Variants in PDIA6 observed in about 807,000 individuals in gnomAD.
The protein encoded by PDIA6 is protein disulfide isomerase family A member 6, also known as protein disulfide-isomerase A6.
A neutral mutation model predicts 58.4 loss-of-function variants in PDIA6; 29 were observed. That is an observed-to-expected ratio of 0.50 (90% CI 0.37 to 0.68). The LOEUF is 0.68. Among genes scored for constraint, PDIA6 ranks in the 30% least tolerant of loss-of-function variants. The probability of loss-of-function intolerance (pLI) is 0.00; values close to 1 mark genes in which losing one functional copy is unlikely to be tolerated. For synonymous variants in PDIA6, 192 were observed against 202.6 expected, an observed-to-expected ratio of 0.95 and a Z score of 0.44; for missense variants, 480 against 551.0, an observed-to-expected ratio of 0.87 and a Z score of 1.29.
intron 1 of PDIA6, chr2:10,820,798 C>T: frequency 1.4e-6 from 1 of 703,022 alleles, no homozygotes; most frequent in Non-Finnish European, 2.6e-6. Flanking sequence ...CTGATGTTGG[C>T]TGGGACCTCA....
At chr2:10,789,975 A>C in intron 7 of PDIA6, 86 bp from the exon 8 acceptor site, 7 of 1,205,640 alleles carry the variant, frequency 5.8e-6, no homozygotes, top group Non-Finnish European at 8.0e-6. Flanking sequence ...ACCACCTTAT[A>C]GGTAATTTTT....
rs749847940 is a variant in PDIA6 at position 10,812,707 on chromosome 2, G to A, written c.-11C>T. ...CACCAGGAGAGCCATGCCGAGCGCC[G>A]GGCTACGTGCAGTCCCCACCGCCGC... On this transcript the variant is annotated 5_prime_UTR_variant, in exon 1 of 13. Coordinates refer to ENST00000272227, the MANE Select transcript of PDIA6 (RefSeq NM_005742.4). 2.0e-6 allele frequency: 3 copies of A among 1,524,686 alleles called. No homozygotes were observed. The highest frequency in any genetic ancestry group is 2.9e-5 in the African/African-American group (2 of 69,702). The allele number at this position is 1,524,686 out of a possible 1,614,324, so 94.4% of individuals were successfully genotyped here.
intron 1 of PDIA6, chr2:10,810,442 A>G (rs1011318675): frequency 2.2e-6 from 3 of 1,376,182 alleles, no homozygotes; most frequent in Non-Finnish European, 2.8e-6. Context: ...AGAACAGACC[A>G]GGGTTTTTCA....
At chr2:10,796,038 T>C (rs1396775095) in intron 4 of PDIA6, among the ~76,000 whole-genome samples, 2 of 150,452 alleles carry the variant, frequency 1.3e-5, no homozygotes, top group South Asian at 2.1e-4. Flanking sequence ...TTATCTTAAA[T>C]AGAATAATCT....
upstream of PDIA6, among the ~76,000 whole-genome samples, chr2:10,816,305 G>T (rs562215677): frequency 6.6e-6 from 1 of 151,132 alleles, no homozygotes; most frequent in African/African-American, 2.4e-5. Flanking sequence ...GGCTGGTCTC[G>T]AACTCCCAGC....
chr2:10,801,242 C>T (rs1666499654), intron 2 of PDIA6, among the ~76,000 whole-genome samples: 1 of 152,160 alleles, frequency 6.6e-6, no homozygotes, highest in South Asian at 2.1e-4. Flanking sequence ...CATGCTGCTG[C>T]ACTCTAGCCT....
upstream of PDIA6, among the ~76,000 whole-genome samples, chr2:10,836,745 C>T (rs2148587267): frequency 6.6e-6 from 1 of 152,156 alleles, no homozygotes; most frequent in South Asian, 2.1e-4. Context: ...TCTACTTAAC[C>T]TTTTCTTTAT....
intron 1 of PDIA6, chr2:10,810,257 TTAGA>T (rs1666948255): frequency 2.0e-6 from 3 of 1,509,928 alleles, no homozygotes; most frequent in Non-Finnish European, 2.7e-6. Flanking sequence ...GATCATATAA[TTAGA>T]TAGACCCAAA....
chr2:10,833,393 AC>A (rs1166666495), upstream of PDIA6, among the ~76,000 whole-genome samples: 2 of 152,018 alleles, frequency 1.3e-5, no homozygotes, highest in East Asian at 3.9e-4. Flanking sequence ...TCAGGCCCCC[AC>A]TTTGCTGCTG....
chr2:10,816,526 C>CTTT (rs201746817), upstream of PDIA6, among the ~76,000 whole-genome samples: 2 of 135,128 alleles, frequency 1.5e-5, no homozygotes, highest in Admixed American at 7.5e-5. Context: ...TTTGTGCTTT[C>CTTT]TTTTTTTTTT....
At chr2:10,828,152 G>A (rs934880004) in intron 1 of PDIA6, among the ~76,000 whole-genome samples, 3 of 152,078 alleles carry the variant, frequency 2.0e-5, no homozygotes, top group Non-Finnish European at 4.4e-5. Context: ...TTCACACTTG[G>A]TGTTGTGCAT....
At chr2:10,820,522 G>A (rs1274020042) in intron 1 of PDIA6, among the ~76,000 whole-genome samples, 3 of 152,174 alleles carry the variant, frequency 2.0e-5, no homozygotes, top group Admixed American at 6.5e-5. Context: ...AGATGTCATC[G>A]TTGGCATTCC....
In PDIA6 at chr2:10,787,325, CA is replaced by C. The variant is rs1665813376; in HGVS notation, c.1112del (p.Leu371ArgfsTer2). 6 of 1,614,066 alleles carry C rather than the reference CA, an allele frequency of 3.7e-6. No homozygotes were observed. Among genetic ancestry groups the C allele is most frequent in the Non-Finnish European group, 5.1e-6 (6 of 1,180,048 alleles). On this transcript the variant is annotated frameshift_variant, in exon 11 of 13. Coordinates refer to ENST00000272227, the MANE Select transcript of PDIA6 (RefSeq NM_005742.4). LOFTEE classifies it high-confidence loss of function. ...AINARKMKFA[L>X]LKGSFSEQGI... Reference sequence around the variant, plus strand: ...CTTGCTCACTGAAGGAGCCTTTTAGCAGAGCAAATTTCATCTTGCGTGCATT... The same window carrying C: ...CTTGCTCACTGAAGGAGCCTTTTAGCGAGCAAATTTCATCTTGCGTGCATT...
intron 7 of PDIA6, 142 bp from the exon 8 acceptor site, chr2:10,790,031 A>G: frequency 3.1e-6 from 2 of 653,340 alleles, no homozygotes; most frequent in South Asian, 4.1e-5. Context: ...CAGGCTGGAG[A>G]GCACAGGTGC....
intron 1 of PDIA6, among the ~76,000 whole-genome samples, chr2:10,831,060 G>A (rs781066130): frequency 1.3e-5 from 2 of 152,206 alleles, no homozygotes; most frequent in South Asian, 2.1e-4. Context: ...AGCGGACTCC[G>A]CTCTGCTTCC....
intron 1 of PDIA6, chr2:10,810,519 G>T (rs1199260928): frequency 7.0e-6 from 8 of 1,135,188 alleles, no homozygotes; most frequent in Non-Finnish European, 7.7e-6. Context: ...ATAGACTTGG[G>T]TTATTCTTTT....
chr2:10,793,234 C>G (rs1666117229), intron 4 of PDIA6, 32 bp from the exon 5 acceptor site: 4 of 1,510,760 alleles, frequency 2.6e-6, no homozygotes, highest in Non-Finnish European at 3.7e-6. Flanking sequence ...CGGTCCTCAG[C>G]CCGGCCTTCA....
upstream of PDIA6, among the ~76,000 whole-genome samples, chr2:10,816,485 C>T (rs1667198863): frequency 6.8e-6 from 1 of 147,316 alleles, no homozygotes; most frequent in Non-Finnish European, 1.5e-5. Flanking sequence ...TCTCTTCAGC[C>T]TCTATTCATT....
At position 10,788,988 on chromosome 2, in the gene PDIA6, G is replaced by A. The variant is rs749545966; in HGVS notation, c.841-7C>T. The A allele has an allele frequency of 2.5e-6, 4 of 1,611,284 alleles. No individual in the cohort carries two copies. The East Asian group carries it at 8.9e-5, about 36-fold the overall frequency. ...CAATGTCCTCGTTGATAATCTGTGG[G>A]ACCCAAAAGACAAGGGACAATCAGG... On this transcript the variant is annotated splice_polypyrimidine_tract_variant and splice_region_variant and intron_variant, in intron 8 of 12. Coordinates refer to ENST00000272227, the MANE Select transcript of PDIA6 (RefSeq NM_005742.4).
Sources: allele counts gnomAD v4.1 joint callset (sites outside exome capture counted in the v4.1 genomes callset), GRCh38; gene constraint gnomAD v4.1.1; transcripts MANE v1.5; gene names NCBI Gene and HGNC (gene_info 2026-07-23, HGNC 2026-07-21).